The following TTBK2 variants were observed in gnomAD, a reference collection of about 807,000 sequenced individuals.
TTBK2 encodes tau tubulin kinase 2, also known as tau-tubulin kinase 2.
TTBK2 carries 28 observed loss-of-function variants against 110.8 expected under a neutral mutation model. The ratio of observed to expected loss-of-function variants is 0.25; its 90% CI spans 0.19 to 0.35. The LOEUF (loss-of-function observed/expected upper bound fraction) is 0.35. Ranked by LOEUF, TTBK2 falls within the 10% of genes least tolerant of loss-of-function variation. TTBK2 has a pLI of 1.00. For synonymous variants in TTBK2, 532 were observed against 527.3 expected, an observed-to-expected ratio of 1.01 and a Z score of -0.12; for missense variants, 1,369 against 1,500.3, an observed-to-expected ratio of 0.91 and a Z score of 1.45.
Position 42,775,389 on chromosome 15 carries a change from C to G in TTBK2, c.1744G>C (p.Glu582Gln). The G allele has an allele frequency of 6.2e-7, 1 of 1,614,216 alleles. No individual in the cohort carries two copies. The highest frequency in any genetic ancestry group is 8.5e-7 in the Non-Finnish European group (1 of 1,180,048). Residue 582 changes from glutamate (E) to glutamine (Q), a missense_variant, in exon 13 of 15, where the codon GAG (glutamate) becomes CAG (glutamine). This residue lies in a region of TTBK2 where 1,097 missense variants were observed against 1,114.7 expected (regional missense o/e 0.98). Coordinates refer to ENST00000267890, the MANE Select transcript of TTBK2 (RefSeq NM_173500.4). ...HKTTGSPSDE[E>Q]PEVLQVLEAS... ...TCCAGGACTTGAAGTACTTCAGGCT[C>G]CTCATCAGAAGGACTTCCAGTTGTT...
intron 2 of TTBK2, among the ~76,000 whole-genome samples, chr15:42,874,683 G>T (rs939138419): frequency 6.6e-6 from 1 of 150,454 alleles, no homozygotes; most frequent in African/African-American, 2.4e-5. Flanking sequence ...ATGAGTTCAA[G>T]ATTTTTTTAA....
At chr15:42,916,529 G>A (rs1280493108) in intron 1 of TTBK2, among the ~76,000 whole-genome samples, 2 of 152,082 alleles carry the variant, frequency 1.3e-5, no homozygotes, top group Non-Finnish European at 1.5e-5. Flanking sequence ...GTTTCGCCAC[G>A]TTGGCCAGAC....
intron 13 of TTBK2, among the ~76,000 whole-genome samples, chr15:42,763,143 C>CATATATATATACACATATATATAT (rs2062063829): frequency 2.0e-5 from 1 of 51,152 alleles, no homozygotes; most frequent in Non-Finnish European, 3.1e-5. Flanking sequence ...TATATACATA[C>CATATATATATACACATATATATAT]ATATATATAT....
intron 3 of TTBK2, among the ~76,000 whole-genome samples, chr15:42,871,239 T>C (rs1239053935): frequency 6.6e-6 from 1 of 152,178 alleles, no homozygotes; most frequent in Non-Finnish European, 1.5e-5. Context: ...CATGTGGTTA[T>C]AAGCAGATAG....
chr15:42,870,033 G>A (rs1894551231), intron 3 of TTBK2, among the ~76,000 whole-genome samples: 2 of 152,168 alleles, frequency 1.3e-5, no homozygotes, highest in African/African-American at 4.8e-5. Context: ...AATTAGCTGG[G>A]CATGGTGGCA....
At chr15:42,811,184 G>T (rs1048164508) in intron 8 of TTBK2, among the ~76,000 whole-genome samples, 2 of 151,842 alleles carry the variant, frequency 1.3e-5, no homozygotes, top group African/African-American at 4.8e-5. Flanking sequence ...GTAAAGATTG[G>T]GGTCTCACTA....
intron 2 of TTBK2, among the ~76,000 whole-genome samples, chr15:42,873,810 G>A (rs1596008591): frequency 6.6e-6 from 1 of 152,106 alleles, no homozygotes; most frequent in South Asian, 2.1e-4. Flanking sequence ...CTGAAACTAG[G>A]TTGTCTCCTT....
intron 11 of TTBK2, among the ~76,000 whole-genome samples, chr15:42,779,420 A>G (rs1018483352): frequency 1.3e-5 from 2 of 151,800 alleles, no homozygotes; most frequent in African/African-American, 2.4e-5. Flanking sequence ...AAAAAAAAAA[A>G]AAAGAAAGAA....
chr15:42,828,272 CA>C (rs1309406953), intron 5 of TTBK2, among the ~76,000 whole-genome samples: 2 of 151,450 alleles, frequency 1.3e-5, no homozygotes, highest in East Asian at 3.9e-4. Flanking sequence ...AGGTTACACA[CA>C]AGACAACATT....
At chr15:42,802,494 C>T in intron 9 of TTBK2, 1 of 549,600 alleles carries the variant, frequency 1.8e-6, no homozygotes, top group Middle Eastern at 5.1e-4. Flanking sequence ...TACTTCTCTG[C>T]TCTTCTTGGG....
intron 3 of TTBK2, chr15:42,840,739 C>A: frequency 2.3e-6 from 1 of 438,858 alleles, no homozygotes; most frequent in Non-Finnish European, 4.2e-6. Flanking sequence ...TCAGATCAAC[C>A]TGCCCAGATA....
chr15:42,746,254 T>C lies in TTBK2; in HGVS notation c.3276A>G (p.Leu1092=). The change falls in exon 15 of 15, where the codon CTA becomes CTG. Residue 1092 remains leucine (L), a synonymous_variant. Coordinates refer to ENST00000267890, the MANE Select transcript of TTBK2 (RefSeq NM_173500.4). The stretch of plus-strand genomic sequence containing the variant: ...TACTCCCTAGGACTTTATATCTGCG[T>C]AGCCTTAAAAGAACAGAGAAAATAT... ...PPTRPGVEAR[L]RRYKVLGSSN... 2 of 1,610,720 alleles carry C rather than the reference T, an allele frequency of 1.2e-6. No homozygotes were observed. The highest frequency in any genetic ancestry group is 1.7e-4 in the Middle Eastern group (1 of 6,034).
chr15:42,816,938 AT>A, intron 7 of TTBK2, 93 bp downstream of exon 7: 1 of 583,492 alleles, frequency 1.7e-6, no homozygotes. Flanking sequence ...ACATATATAT[AT>A]ATATATAAAA....
At chr15:42,788,422 C>T (rs1047915889) in intron 10 of TTBK2, among the ~76,000 whole-genome samples, 6 of 152,112 alleles carry the variant, frequency 3.9e-5, no homozygotes, top group African/African-American at 7.2e-5. Flanking sequence ...ACTACGATCA[C>T]GCTGTTTAAG....
chr15:42,815,958 A>ATATATAT (rs1555427627), intron 7 of TTBK2, among the ~76,000 whole-genome samples: 7 of 91,694 alleles, frequency 7.6e-5, no homozygotes, highest in African/African-American at 3.1e-4. Context: ...TTAAAAAAAA[A>ATATATAT]ATATATATAT....
chr15:42,761,968 G>C (rs1042735319), intron 13 of TTBK2, among the ~76,000 whole-genome samples: 5 of 152,184 alleles, frequency 3.3e-5, no homozygotes, highest in Non-Finnish European at 7.4e-5. Context: ...CTGTTCTCGT[G>C]ATAGTGAGTA....
chr15:42,773,726 G>C (rs1889777313), intron 13 of TTBK2, among the ~76,000 whole-genome samples: 1 of 152,186 alleles, frequency 6.6e-6, no homozygotes, highest in African/African-American at 2.4e-5. Context: ...CAGCATAATA[G>C]AGTTAAAGAA....
intron 3 of TTBK2, among the ~76,000 whole-genome samples, chr15:42,865,001 T>C (rs1244079957): frequency 6.6e-6 from 1 of 152,154 alleles, no homozygotes; most frequent in African/African-American, 2.4e-5. Flanking sequence ...AGGGAGAAAT[T>C]AGGATCATTT....
chr15:42,791,165 T>G (rs1890662693), intron 10 of TTBK2, among the ~76,000 whole-genome samples: 5 of 152,162 alleles, frequency 3.3e-5, no homozygotes, highest in African/African-American at 1.2e-4. Flanking sequence ...ATTACAGGCG[T>G]GAGCCACGGT....
Sources: gnomAD v4.1 joint callset for allele counts (sites outside exome capture counted in the v4.1 genomes callset) on GRCh38, gnomAD v4.1.1 for gene constraint, gnomAD v4.1.1 regional missense constraint, MANE v1.5 for transcripts, NCBI Gene and HGNC (gene_info 2026-07-23, HGNC 2026-07-21) for gene names.